ADAMTS12: variants seen among roughly 807,000 people sequenced by gnomAD.
ADAMTS12 encodes the protein ADAM metallopeptidase with thrombospondin type 1 motif 12.
ADAMTS12 carries 118 observed loss-of-function variants against 167.8 expected under a neutral mutation model. The observed-to-expected ratio is 0.70, with a 90% CI of 0.61 to 0.82. The LOEUF is 0.82. ADAMTS12 is among the 40% of genes least tolerant of loss of function. The pLI, the probability that ADAMTS12 is intolerant of heterozygous loss-of-function variation, is 0.00. For missense variants in ADAMTS12, 1,916 were observed against 1,998.8 expected, an observed-to-expected ratio of 0.96 and a Z score of 0.79; for synonymous variants, 704 against 716.9, an observed-to-expected ratio of 0.98 and a Z score of 0.29.
intron 2 of ADAMTS12, among the ~76,000 whole-genome samples, chr5:33,780,392 A>G (rs1234392796): frequency 6.6e-6 from 1 of 152,204 alleles, no homozygotes; most frequent in Non-Finnish European, 1.5e-5. Flanking sequence ...CATACAAGGT[A>G]TGAGATACTT....
In ADAMTS12 at chr5:33,576,317, C is replaced by G; in HGVS notation, c.3709G>C (p.Glu1237Gln). 1 of 1,614,196 alleles carries G rather than the reference C, an allele frequency of 6.2e-7. No individual in the cohort carries two copies. The highest frequency in any genetic ancestry group is 1.1e-5 in the South Asian group (1 of 91,078). Residue 1237 changes from glutamate (E) to glutamine (Q), a missense_variant, in exon 19 of 24, where the codon GAG (glutamate) becomes CAG (glutamine). Transcript: ENST00000504830. ...GCTGGCTTTTCAGTAACCATCCCCTCAACTCTGGGTGTCCCAGTTTCGGAA... is the reference window on the plus strand; with the variant it reads ...GCTGGCTTTTCAGTAACCATCCCCTGAACTCTGGGTGTCCCAGTTTCGGAA... ...TTSETGTPRV[E>Q]GMVTEKPANT...
chr5:33,614,521 ATGTC>A, intron 15 of ADAMTS12, 145 bp from the exon 16 acceptor site: 1 of 894,860 alleles, frequency 1.1e-6, no homozygotes, highest in Non-Finnish European at 1.7e-6. Context: ...ATCTATACCT[ATGTC>A]TGTGCCTATG....
chr5:33,832,044 T>C (rs1323039080), intron 2 of ADAMTS12, among the ~76,000 whole-genome samples: 3 of 152,218 alleles, frequency 2.0e-5, no homozygotes, highest in Non-Finnish European at 4.4e-5. Flanking sequence ...ATGCAGTGAT[T>C]TCTGCAGCTT....
intron 7 of ADAMTS12, among the ~76,000 whole-genome samples, chr5:33,656,202 G>A (rs182218931): frequency 7.8e-4 from 118 of 152,242 alleles, no homozygotes; most frequent in African/African-American, 2.7e-3. Flanking sequence ...ATATCAAAGT[G>A]ATTCAGGTAG....
At position 33,751,624 on chromosome 5, in the gene ADAMTS12, T is replaced by C. The variant is rs978298741; in HGVS notation, c.490-76A>G. 2.0e-5 allele frequency: 29 copies of C among 1,455,736 alleles called. No homozygotes were observed. In the African/African-American group the frequency reaches 2.7e-4, roughly 13 times the overall value. The allele number at this position is 1,455,736 out of a possible 1,614,324, so 90.2% of individuals were successfully genotyped here. A position where few individuals can be genotyped will look rare whatever the true frequency, so the allele number is the denominator to read the frequency against. On this transcript the variant is annotated intron_variant, in intron 2 of 23. Transcript: ENST00000504830. ...ACTAAAAACAAAGTGAAAAATTATA[T>C]AGCTTATGAGTATCTCTGAAACTCC...
At chr5:33,660,369 A>C (rs890377889) in intron 6 of ADAMTS12, among the ~76,000 whole-genome samples, 2 of 152,208 alleles carry the variant, frequency 1.3e-5, no homozygotes, top group African/African-American at 2.4e-5. Flanking sequence ...TTTCCCTATA[A>C]TGTAAAATAT....
intron 2 of ADAMTS12, among the ~76,000 whole-genome samples, chr5:33,776,686 G>A (rs917399639): frequency 1.2e-4 from 18 of 151,740 alleles, no homozygotes; most frequent in African/African-American, 4.1e-4. Flanking sequence ...AATTAAGTTC[G>A]AAGTTAACAG....
At chr5:33,657,995 T>C (rs1741120280) in intron 7 of ADAMTS12, among the ~76,000 whole-genome samples, 189 bp downstream of exon 7, 1 of 152,076 alleles carries the variant, frequency 6.6e-6, no homozygotes, top group African/African-American at 2.4e-5. Flanking sequence ...GTGGAGACAA[T>C]GGAGCCCATG....
At chr5:33,586,093 T>C (rs1747333482) in intron 18 of ADAMTS12, among the ~76,000 whole-genome samples, 1 of 152,162 alleles carries the variant, frequency 6.6e-6, no homozygotes, top group South Asian at 2.1e-4. Flanking sequence ...CAAATGCAGA[T>C]GAAAATGACA....
At chr5:33,630,708 A>T in intron 13 of ADAMTS12, 72 bp downstream of exon 13, 4 of 1,528,782 alleles carry the variant, frequency 2.6e-6, no homozygotes, top group Non-Finnish European at 3.6e-6. Context: ...ACAAACCTAG[A>T]ACATCTGACT....
rs182051936 is a variant in ADAMTS12 at position 33,875,422 on chromosome 5, T to A, written c.489+5697A>T. On this transcript the variant is annotated intron_variant, in intron 2 of 23. Coordinates refer to ENST00000504830, the MANE Select transcript of ADAMTS12 (RefSeq NM_030955.4). ...GAAAATGGGAGAAGCTATGTATATA[T>A]GGGAGCAGGGAGATTATGAGATATC... 5.0e-3 allele frequency among the ~76,000 whole-genome samples: 755 copies of A among 152,316 alleles called. 7 individuals carry two copies. Among genetic ancestry groups the A allele is most frequent in the African/African-American group, 0.018 (734 of 41,572 alleles).
chr5:33,561,824 G>A (rs991843835), intron 19 of ADAMTS12, among the ~76,000 whole-genome samples: 11 of 152,176 alleles, frequency 7.2e-5, no homozygotes, highest in Non-Finnish European at 1.6e-4. Flanking sequence ...TGCCCAGGGG[G>A]CTGCAGGCAA....
intron 2 of ADAMTS12, among the ~76,000 whole-genome samples, chr5:33,818,030 A>G (rs537322272): frequency 5.3e-5 from 8 of 152,284 alleles, no homozygotes; most frequent in African/African-American, 1.9e-4. Context: ...GGTTTACAAC[A>G]TAGGATATAT....
intron 19 of ADAMTS12, among the ~76,000 whole-genome samples, chr5:33,571,250 T>G (rs1237271417): frequency 6.6e-6 from 1 of 151,960 alleles, no homozygotes; most frequent in Non-Finnish European, 1.5e-5. Flanking sequence ...GTGGACCTAA[T>G]AGACATCTAC....
chr5:33,566,708 G>A (rs1474797719), intron 19 of ADAMTS12, among the ~76,000 whole-genome samples: 1 of 152,160 alleles, frequency 6.6e-6, no homozygotes, highest in Non-Finnish European at 1.5e-5. Flanking sequence ...GGCAGAGAGT[G>A]CTAGATATTC....
In ADAMTS12 at chr5:33,864,188, G is replaced by A. The variant is rs138373997; in HGVS notation, c.489+16931C>T. Reference sequence around the variant, plus strand: ...AAAAAGTAGGCAAAGGATATGAACAGACACTTCTCAAAAGAAGACATTTAT... The same window carrying A: ...AAAAAGTAGGCAAAGGATATGAACAAACACTTCTCAAAAGAAGACATTTAT... On this transcript the variant is annotated intron_variant, in intron 2 of 23. Transcript: ENST00000504830. 6.1e-3 allele frequency among the ~76,000 whole-genome samples: 930 copies of A among 152,278 alleles called. 6 individuals carry two copies. The highest frequency in any genetic ancestry group is 0.019 in the African/African-American group (771 of 41,558).
chr5:33,587,136 A>T (rs1326274666), intron 18 of ADAMTS12, among the ~76,000 whole-genome samples: 1 of 152,018 alleles, frequency 6.6e-6, no homozygotes, highest in East Asian at 1.9e-4. Context: ...AAGCTAATAA[A>T]AGGGAGTCTT....
intron 1 of ADAMTS12, among the ~76,000 whole-genome samples, chr5:33,886,468 A>C (rs1366670142): frequency 6.6e-6 from 1 of 152,192 alleles, no homozygotes; most frequent in Non-Finnish European, 1.5e-5. Context: ...TTGGATTGAA[A>C]CGCTGTGCCT....
At chr5:33,686,855 C>CCT (rs1255015212) in intron 3 of ADAMTS12, among the ~76,000 whole-genome samples, 1 of 149,500 alleles carries the variant, frequency 6.7e-6, no homozygotes, top group Admixed American at 6.7e-5. Context: ...TCATCTGTCT[C>CCT]CTCTCTCTCT....
Sources: gnomAD v4.1 joint callset for allele counts (sites outside exome capture counted in the v4.1 genomes callset) on GRCh38, gnomAD v4.1.1 for gene constraint, MANE v1.5 for transcripts, NCBI Gene and HGNC (gene_info 2026-07-23, HGNC 2026-07-21) for gene names.